DRC11: variants seen among roughly 807,000 people sequenced by gnomAD.
DRC11 encodes dynein regulatory complex subunit 11, also known as IQ and AAA domain-containing protein 1.
the DRC11 span, chr2:236,368,929 C>T: frequency 6.6e-6 from 1 of 152,298 alleles, no homozygotes; most frequent in East Asian, 1.9e-4. Context: ...TATCAAAGGG[C>T]TTAATTGTAA....
the DRC11 span, among the ~76,000 whole-genome samples, chr2:236,445,331 A>ATTAT: frequency 6.6e-6 from 1 of 152,032 alleles, no homozygotes; most frequent in East Asian, 1.9e-4. This position sits in a 1 kb window ranked among gnomAD's most constrained non-coding sequence, Gnocchi z 4.8. Context: ...TATTAAATAT[A>ATTAT]TTATTTATTT....
chr2:236,472,268 G>GC, the DRC11 span, among the ~76,000 whole-genome samples: 3 of 152,134 alleles, frequency 2.0e-5, no homozygotes, highest in African/African-American at 7.2e-5. This position sits in a 1 kb window ranked among gnomAD's most constrained non-coding sequence, Gnocchi z 4.6. Flanking sequence ...TTTTGCTGGT[G>GC]CAACAACACA....
the DRC11 span, among the ~76,000 whole-genome samples, chr2:236,319,626 C>G: frequency 6.6e-6 from 1 of 152,234 alleles, no homozygotes; most frequent in African/African-American, 2.4e-5. The surrounding 1 kb of genome is among the most constrained non-coding windows in gnomAD (Gnocchi z 6.7). Context: ...GGTTCCCAAT[C>G]GACTCCCCAA....
chr2:236,307,327 C>A, the DRC11 span, among the ~76,000 whole-genome samples: 1 of 152,054 alleles, frequency 6.6e-6, no homozygotes, highest in Admixed American at 6.6e-5. The surrounding 1 kb of genome is among the most constrained non-coding windows in gnomAD (Gnocchi z 7.0). Context: ...TAGAGGCCCG[C>A]GGGAAGGGGA....
chr2:236,472,778 G>T, the DRC11 span, among the ~76,000 whole-genome samples: 3 of 152,136 alleles, frequency 2.0e-5, no homozygotes, highest in Admixed American at 6.6e-5. The surrounding 1 kb of genome is among the most constrained non-coding windows in gnomAD (Gnocchi z 4.6). Context: ...GAGGCTCACT[G>T]GTTAAGTATG....
chr2:236,307,995 T>C, the DRC11 span, among the ~76,000 whole-genome samples: 1 of 151,634 alleles, frequency 6.6e-6, no homozygotes, highest in African/African-American at 2.4e-5. The surrounding 1 kb of genome is among the most constrained non-coding windows in gnomAD (Gnocchi z 7.0). Flanking sequence ...CCTCGTGTGC[T>C]TGCAGTGACG....
the DRC11 span, among the ~76,000 whole-genome samples, chr2:236,326,792 TTGTG>T: frequency 0.14 from 19,966 of 143,740 alleles, 1,328 homozygotes; most frequent in East Asian, 0.18. Context: ...TTCAGATTTG[TTGTG>T]TGTGTGTGTG....
the DRC11 span, among the ~76,000 whole-genome samples, chr2:236,353,052 T>C: frequency 6.6e-6 from 1 of 152,204 alleles, no homozygotes; most frequent in African/African-American, 2.4e-5. The surrounding 1 kb of genome is among the most constrained non-coding windows in gnomAD (Gnocchi z 5.0). Context: ...CAAGTATTAA[T>C]AGTAAAAAAC....
the DRC11 span, among the ~76,000 whole-genome samples, chr2:236,320,827 C>T: frequency 3.3e-5 from 5 of 151,734 alleles, no homozygotes; most frequent in African/African-American, 9.6e-5. Flanking sequence ...CCGGTCCCTC[C>T]GCCGGTACCC....
the DRC11 span, among the ~76,000 whole-genome samples, chr2:236,314,272 G>C: frequency 1.3e-5 from 2 of 152,114 alleles, no homozygotes; most frequent in Non-Finnish European, 2.9e-5. The surrounding 1 kb of genome is among the most constrained non-coding windows in gnomAD (Gnocchi z 4.5). Flanking sequence ...TCTCCATTGA[G>C]GCAGAAAGAG....
chr2:236,477,620 T>C, the DRC11 span, among the ~76,000 whole-genome samples: 4 of 152,168 alleles, frequency 2.6e-5, no homozygotes, highest in African/African-American at 7.2e-5. Flanking sequence ...TTGGTATTAG[T>C]TCTTTAAATG....
chr2:236,381,681 G>A, the DRC11 span, among the ~76,000 whole-genome samples: 1 of 152,226 alleles, frequency 6.6e-6, no homozygotes, highest in East Asian at 1.9e-4. The surrounding 1 kb of genome is among the most constrained non-coding windows in gnomAD (Gnocchi z 5.8). Flanking sequence ...ACTTGTGACA[G>A]CCTAGAGAGA....
chr2:236,337,419 C>A, the DRC11 span, among the ~76,000 whole-genome samples: 3 of 152,232 alleles, frequency 2.0e-5, no homozygotes, highest in Non-Finnish European at 2.9e-5. This position sits in a 1 kb window ranked among gnomAD's most constrained non-coding sequence, Gnocchi z 4.9. Context: ...GCCGCCAACA[C>A]CCTTTCTCTC....
chr2:236,447,061 C>A, the DRC11 span, among the ~76,000 whole-genome samples: 1 of 151,536 alleles, frequency 6.6e-6, no homozygotes, highest in African/African-American at 2.4e-5. This position sits in a 1 kb window ranked among gnomAD's most constrained non-coding sequence, Gnocchi z 4.6. Flanking sequence ...GCTTCCTGAG[C>A]TCCCAGCCTC....
the DRC11 span, among the ~76,000 whole-genome samples, chr2:236,480,486 C>T: frequency 4.6e-5 from 7 of 152,156 alleles, no homozygotes; most frequent in South Asian, 1.5e-3. Flanking sequence ...TGATTCTTTC[C>T]TCTGTTTGAT....
At chr2:236,435,419 T>A in the DRC11 span, among the ~76,000 whole-genome samples, 1 of 152,250 alleles carries the variant, frequency 6.6e-6, no homozygotes, top group South Asian at 2.1e-4. Context: ...ACATGTTGTC[T>A]ATGGCTTCTC....
chr2:236,335,782 G>A, the DRC11 span, among the ~76,000 whole-genome samples: 6 of 152,218 alleles, frequency 3.9e-5, no homozygotes, highest in South Asian at 2.1e-4. This position sits in a 1 kb window ranked among gnomAD's most constrained non-coding sequence, Gnocchi z 5.6. Context: ...AAAGAAGAAC[G>A]CATGAGAGGA....
At chr2:236,371,453 G>A in the DRC11 span, among the ~76,000 whole-genome samples, 1 of 152,154 alleles carries the variant, frequency 6.6e-6, no homozygotes, top group African/African-American at 2.4e-5. This position sits in a 1 kb window ranked among gnomAD's most constrained non-coding sequence, Gnocchi z 5.1. Flanking sequence ...GCTTTCCAGA[G>A]GCAGGGGGGC....
At chr2:236,333,026 C>T in the DRC11 span, 1 of 152,166 alleles carries the variant, frequency 6.6e-6, no homozygotes, top group Non-Finnish European at 1.5e-5. This position sits in a 1 kb window ranked among gnomAD's most constrained non-coding sequence, Gnocchi z 6.0. Flanking sequence ...AGCTTGAGCC[C>T]CAAACTAGTC....
Sources: allele counts gnomAD v4.1 joint callset (sites outside exome capture counted in the v4.1 genomes callset), GRCh38; gene constraint gnomAD v4.1.1; non-coding constraint Gnocchi (gnomAD v3.1); transcripts MANE v1.5; gene names NCBI Gene and HGNC (gene_info 2026-07-23, HGNC 2026-07-21).